BMP7: variants seen among roughly 807,000 people sequenced by gnomAD.
BMP7 encodes osteogenic protein 1.
BMP7 carries 12 observed loss-of-function variants against 41.2 expected under a neutral mutation model. The ratio of observed to expected loss-of-function variants is 0.29; its 90% CI spans 0.19 to 0.47. The LOEUF is 0.47. BMP7 is among the 20% of genes least tolerant of loss of function. BMP7 has a pLI of 0.99. For synonymous variants in BMP7, 248 were observed against 250.0 expected (o/e 0.99, Z 0.07); for missense variants, 467 against 606.0 (o/e 0.77, Z 2.41).
intron 2 of BMP7, among the ~76,000 whole-genome samples, chr20:57,204,791 T>C (rs1232024550): frequency 2.0e-5 from 3 of 152,232 alleles, no homozygotes; most frequent in Non-Finnish European, 4.4e-5. Context: ...TTTTAAGTAA[T>C]ATTCAATGAC....
At chr20:57,250,024 C>T (rs569524960) in intron 1 of BMP7, among the ~76,000 whole-genome samples, 1 of 152,294 alleles carries the variant, frequency 6.6e-6, no homozygotes, top group Non-Finnish European at 1.5e-5. Flanking sequence ...ACTTGCCATC[C>T]CCAAAGCTCG....
chr20:57,200,216 G>T (rs558785272), intron 3 of BMP7, among the ~76,000 whole-genome samples: 1 of 152,190 alleles, frequency 6.6e-6, no homozygotes, highest in Non-Finnish European at 1.5e-5. Flanking sequence ...CCTCACAACC[G>T]CCCTTGGAGA....
At chr20:57,186,995 C>G (rs1984227917) in intron 3 of BMP7, 1 of 152,192 alleles carries the variant, frequency 6.6e-6, no homozygotes, top group South Asian at 2.1e-4. Flanking sequence ...CACTAGAAGG[C>G]TTTTAGGGCA....
At chr20:57,175,406 T>C (rs1983901073) in intron 4 of BMP7, among the ~76,000 whole-genome samples, 2 of 152,208 alleles carry the variant, frequency 1.3e-5, no homozygotes, top group Non-Finnish European at 2.9e-5. Flanking sequence ...GATCTGCTTA[T>C]GAACAACCTC....
chr20:57,211,584 A>C (rs2123099941), intron 2 of BMP7, among the ~76,000 whole-genome samples: 1 of 146,452 alleles, frequency 6.8e-6, no homozygotes, highest in South Asian at 2.1e-4. Flanking sequence ...GGGACTTTGC[A>C]GATGTGATGA....
At chr20:57,185,511 TG>T (rs1385167009) in intron 3 of BMP7, among the ~76,000 whole-genome samples, 3 of 152,126 alleles carry the variant, frequency 2.0e-5, no homozygotes, top group Non-Finnish European at 2.9e-5. Flanking sequence ...GTAGGGAAAC[TG>T]AGGCAATGGA....
At chr20:57,202,020 G>A (rs1014114732) in intron 3 of BMP7, among the ~76,000 whole-genome samples, 3 of 152,164 alleles carry the variant, frequency 2.0e-5, no homozygotes, top group Non-Finnish European at 2.9e-5. Context: ...GACATTTTTC[G>A]GTGTCACAAC....
At chr20:57,218,326 C>G (rs139528490) in intron 2 of BMP7, among the ~76,000 whole-genome samples, 255 of 152,292 alleles carry the variant, frequency 1.7e-3, no homozygotes, top group African/African-American at 6.0e-3. Context: ...CAATATATTT[C>G]CAGGAGGTTC....
intron 1 of BMP7, among the ~76,000 whole-genome samples, chr20:57,235,801 T>C (rs2066045359): frequency 6.6e-6 from 1 of 152,226 alleles, no homozygotes; most frequent in Admixed American, 6.5e-5. Context: ...AAGGGGTTGA[T>C]CATTGATGTC....
At chr20:57,223,138 G>A (rs1424701676) in intron 2 of BMP7, among the ~76,000 whole-genome samples, 2 of 151,798 alleles carry the variant, frequency 1.3e-5, no homozygotes, top group African/African-American at 2.4e-5. Flanking sequence ...GCTGAGGCAG[G>A]AGAATCACTT....
At position 57,256,310 on chromosome 20, in the gene BMP7, G is replaced by T. The variant is rs1051668861; in HGVS notation, c.418+9395C>A. Among the ~76,000 whole-genome samples the T allele has an allele frequency of 2.6e-5, 4 of 152,180 alleles. No homozygotes were observed. The East Asian group carries it at 7.7e-4, about 29-fold the overall frequency. ...GGTGGGGTTGAAAAATGAAGCTCTG[G>T]TTTCAGTAACACACCCCACAACTTA... On this transcript the variant is annotated intron_variant, in intron 1 of 6. Transcript: ENST00000395863.
intron 3 of BMP7, among the ~76,000 whole-genome samples, chr20:57,189,378 G>C (rs746614443): frequency 6.6e-6 from 1 of 152,142 alleles, no homozygotes; most frequent in Non-Finnish European, 1.5e-5. Flanking sequence ...TGCAAGGCCC[G>C]GTGCAAAATG....
intron 2 of BMP7, 89 bp from the exon 3 acceptor site, chr20:57,202,712 T>TGGGTG: frequency 1.9e-6 from 1 of 531,268 alleles, no homozygotes; most frequent in Non-Finnish European, 3.5e-6. Context: ...CCTCATGGGG[T>TGGGTG]GGGAGGGGAG....
At chr20:57,232,852 TACAC>T (rs60368986) in intron 1 of BMP7, among the ~76,000 whole-genome samples, 33,134 of 137,798 alleles carry the variant, frequency 0.24, 3,886 homozygotes, top group Admixed American at 0.3. Flanking sequence ...AGTCATGAAG[TACAC>T]ACACACACAC....
chr20:57,207,930 C>T (rs898961696), intron 2 of BMP7, among the ~76,000 whole-genome samples: 9 of 148,704 alleles, frequency 6.1e-5, no homozygotes, highest in East Asian at 4.1e-4. Flanking sequence ...CCCGGGTTCA[C>T]GCCATTCTCC....
chr20:57,206,391 T>C (rs1984732361), intron 2 of BMP7, among the ~76,000 whole-genome samples: 1 of 152,014 alleles, frequency 6.6e-6, no homozygotes, highest in Admixed American at 6.6e-5. Context: ...TTGGGGTCAG[T>C]GAAATGAAGC....
At position 57,183,626 on chromosome 20, in the gene BMP7, C is replaced by T. The variant is rs1984139067; in HGVS notation, c.958+96G>A. 4 of 1,504,390 alleles carry T rather than the reference C, an allele frequency of 2.7e-6. No individual in the cohort carries two copies. The East Asian group carries it at 9.0e-5, about 34-fold the overall frequency. 93.2% of individuals were successfully genotyped at this position (1,504,390 alleles called of 1,614,324 possible). A position where few individuals can be genotyped will look rare whatever the true frequency, so the allele number is the denominator to read the frequency against. On this transcript the variant is annotated intron_variant, in intron 4 of 6. Coordinates refer to ENST00000395863, the MANE Select transcript of BMP7 (RefSeq NM_001719.3). Reference sequence around the variant, plus strand: ...ATTTGTTCCAGAGCCATCTGGTGAGCACCTGAATGGATTTTGAGTCAGTCT... The same window carrying T: ...ATTTGTTCCAGAGCCATCTGGTGAGTACCTGAATGGATTTTGAGTCAGTCT...
rs886604774 is a variant in BMP7, at chr20:57,228,688, C to T, written c.419-267G>A. On this transcript the variant is annotated intron_variant, in intron 1 of 6. Coordinates refer to ENST00000395863, the MANE Select transcript of BMP7 (RefSeq NM_001719.3). The surrounding 1 kb of genome is among the most constrained non-coding windows in gnomAD (Gnocchi z 4.5). ...GGGAAAAGTAGGGCACTAACCACAG[C>T]CATCCAAGAGGTCCTGGCCAGACTC... Among the ~76,000 whole-genome samples, 2 of 152,196 alleles carry T rather than the reference C, an allele frequency of 1.3e-5. No homozygotes were observed. Among genetic ancestry groups the T allele is most frequent in the South Asian group, 4.1e-4 (2 of 4,824 alleles).
At chr20:57,206,451 G>A (rs76422852) in intron 2 of BMP7, among the ~76,000 whole-genome samples, 2,235 of 152,220 alleles carry the variant, frequency 0.015, 63 homozygotes, top group African/African-American at 0.051. Context: ...AGGCGACAGC[G>A]CAGGAAACCT....
Sources: allele counts gnomAD v4.1 joint callset (sites outside exome capture counted in the v4.1 genomes callset), GRCh38; gene constraint gnomAD v4.1.1; non-coding constraint Gnocchi (gnomAD v3.1); transcripts MANE v1.5; gene names NCBI Gene and HGNC (gene_info 2026-07-23, HGNC 2026-07-21).